ZNF362: variants seen among roughly 807,000 people sequenced by gnomAD.
The protein encoded by ZNF362 is rotund homolog.
A neutral mutation model predicts 42.9 loss-of-function variants in ZNF362; 11 were observed. That is an observed-to-expected ratio of 0.26 (90% CI 0.16 to 0.42). The LOEUF (loss-of-function observed/expected upper bound fraction) is 0.42, where lower values mean the gene tolerates loss of function less well. ZNF362 is among the 20% of genes least tolerant of loss of function. The probability of loss-of-function intolerance (pLI) is 1.00; values close to 1 mark genes in which losing one functional copy is unlikely to be tolerated. For missense variants in ZNF362, 362 were observed against 576.2 expected (o/e 0.63, Z 3.81); for synonymous variants, 255 against 257.3 (o/e 0.99, Z 0.09).
chr1:33,137,960 G>A, the ZNF362 span, among the ~76,000 whole-genome samples: 3 of 152,334 alleles, frequency 2.0e-5, no homozygotes, highest in African/African-American at 4.8e-5. Context: ...GAGGGTCCAG[G>A]GAGGTGGCAG....
chr1:33,285,173 G>A (rs1259493605), intron 6 of ZNF362, among the ~76,000 whole-genome samples: 2 of 152,138 alleles, frequency 1.3e-5, no homozygotes, highest in Admixed American at 1.3e-4. Flanking sequence ...CAACACTTTG[G>A]GAAGCTGAGA....
the ZNF362 span, among the ~76,000 whole-genome samples, chr1:33,239,076 G>C: frequency 6.6e-6 from 1 of 152,220 alleles, no homozygotes; most frequent in African/African-American, 2.4e-5. Flanking sequence ...TGGGAGTACC[G>C]CTGTGAGCCA....
In ZNF362 at chr1:33,294,970, A is replaced by G. The variant is rs1038564957; in HGVS notation, c.942A>G (p.Pro314=). ...IHTGDRPYKC[P]HPGCEKAFTQ... is the part of the protein sequence containing the mutation. ...CAGGCGACAGACCCTACAAGTGCCC[A>G]CATCCTGGCTGCGAGAAGGCTTTCA... is the stretch of plus-strand genomic sequence containing the variant. Residue 314 remains proline, a synonymous_variant, in exon 7 of 9, where the codon CCA becomes CCG. Coordinates refer to ENST00000539719, the MANE Select transcript of ZNF362 (RefSeq NM_152493.3). The surrounding 1 kb of genome is among the most constrained non-coding windows in gnomAD (Gnocchi z 4.2). The G allele has an allele frequency of 1.2e-6, 2 of 1,614,092 alleles. No homozygotes were observed. The highest frequency in any genetic ancestry group is 1.7e-6 in the Non-Finnish European group (2 of 1,179,986).
chr1:33,268,304 GCTTC>G (rs2148075870), intron 1 of ZNF362, among the ~76,000 whole-genome samples: 1 of 152,252 alleles, frequency 6.6e-6, no homozygotes, highest in African/African-American at 2.4e-5. Context: ...GGGGGAGGGG[GCTTC>G]CTTCCATCCA....
At chr1:33,216,193 T>G in the ZNF362 span, among the ~76,000 whole-genome samples, 1 of 98,762 alleles carries the variant, frequency 1.0e-5, no homozygotes, top group East Asian at 2.9e-4. Flanking sequence ...AATGAGACAG[T>G]TTAATTAAAT....
chr1:33,209,824 A>G, the ZNF362 span, among the ~76,000 whole-genome samples: 18 of 151,408 alleles, frequency 1.2e-4, no homozygotes, highest in African/African-American at 4.1e-4. Context: ...TTTCTTCTTT[A>G]TTAGTCTTGC....
At chr1:33,235,697 G>C in the ZNF362 span, among the ~76,000 whole-genome samples, 1 of 152,190 alleles carries the variant, frequency 6.6e-6, no homozygotes, top group African/African-American at 2.4e-5. Context: ...GTGAGGGTCA[G>C]TGCATGGAAA....
intron 1 of ZNF362, among the ~76,000 whole-genome samples, chr1:33,268,906 A>G (rs1645882299): frequency 6.6e-6 from 1 of 152,154 alleles, no homozygotes; most frequent in African/African-American, 2.4e-5. Context: ...TGACTGCAGT[A>G]ATGGAGTGGA....
chr1:33,222,512 A>G, the ZNF362 span, among the ~76,000 whole-genome samples: 1 of 152,176 alleles, frequency 6.6e-6, no homozygotes. Flanking sequence ...AAAAACATGA[A>G]TCACATCATG....
the ZNF362 span, among the ~76,000 whole-genome samples, chr1:33,225,292 C>T: frequency 1.3e-5 from 2 of 152,146 alleles, no homozygotes; most frequent in Non-Finnish European, 2.9e-5. Context: ...CCTGGTACTC[C>T]TCATCCTTCT....
chr1:33,292,898 G>A (rs1646089748), intron 6 of ZNF362, among the ~76,000 whole-genome samples: 1 of 152,230 alleles, frequency 6.6e-6, no homozygotes, highest in African/African-American at 2.4e-5. Context: ...CGGTGCAGCA[G>A]CCTGGGATGG....
chr1:33,180,255 C>T, the ZNF362 span, among the ~76,000 whole-genome samples: 2 of 152,112 alleles, frequency 1.3e-5, no homozygotes, highest in Admixed American at 1.3e-4. Flanking sequence ...CTAGCCCCTC[C>T]CTTCTTGAAT....
At chr1:33,198,679 A>G in the ZNF362 span, among the ~76,000 whole-genome samples, 1 of 75,218 alleles carries the variant, frequency 1.3e-5, no homozygotes, top group Non-Finnish European at 3.2e-5. Context: ...AAATTTAAAA[A>G]GAGAAAAGTC....
the ZNF362 span, among the ~76,000 whole-genome samples, chr1:33,200,885 C>T: frequency 6.6e-6 from 1 of 152,118 alleles, no homozygotes; most frequent in Non-Finnish European, 1.5e-5. Flanking sequence ...CCCTAATCTA[C>T]TATGACTGGT....
chr1:33,189,667 A>G, the ZNF362 span, among the ~76,000 whole-genome samples: 1 of 32,214 alleles, frequency 3.1e-5, no homozygotes, highest in Non-Finnish European at 7.3e-5. Flanking sequence ...ATATATATAT[A>G]TATATGTATA....
chr1:33,154,939 A>G, the ZNF362 span, among the ~76,000 whole-genome samples: 1 of 150,876 alleles, frequency 6.6e-6, no homozygotes, highest in Non-Finnish European at 1.5e-5. Flanking sequence ...TAAAAATACA[A>G]AAAATTAGCC....
At chr1:33,165,842 T>C in the ZNF362 span, 1 of 284,964 alleles carries the variant, frequency 3.5e-6, no homozygotes, top group South Asian at 1.3e-4. The surrounding 1 kb of genome is among the most constrained non-coding windows in gnomAD (Gnocchi z 4.0). Context: ...ACATACACAC[T>C]CTCTGGCTCC....
At chr1:33,227,921 C>T in the ZNF362 span, among the ~76,000 whole-genome samples, 1 of 152,064 alleles carries the variant, frequency 6.6e-6, no homozygotes, top group Non-Finnish European at 1.5e-5. Flanking sequence ...TTGAAATTTA[C>T]CTGTGAGTTC....
the ZNF362 span, among the ~76,000 whole-genome samples, chr1:33,250,663 C>T: frequency 6.6e-6 from 1 of 151,738 alleles, no homozygotes; most frequent in Non-Finnish European, 1.5e-5. Context: ...ATGGGTTGAT[C>T]TGTGCAGCAA....
Sources: gnomAD v4.1 joint callset for allele counts (sites outside exome capture counted in the v4.1 genomes callset) on GRCh38, gnomAD v4.1.1 for gene constraint, Gnocchi (gnomAD v3.1) non-coding constraint, MANE v1.5 for transcripts, NCBI Gene and HGNC (gene_info 2026-07-23, HGNC 2026-07-21) for gene names.